FBXO10: variants seen among roughly 807,000 people sequenced by gnomAD.
FBXO10 encodes the protein F-box protein 10.
In FBXO10, 39 loss-of-function variants were observed where a neutral mutation model predicts 80.7. The observed-to-expected ratio is 0.48, with a 90% CI of 0.37 to 0.63. The LOEUF (loss-of-function observed/expected upper bound fraction) is 0.63. Ranked by LOEUF, FBXO10 falls within the 30% of genes least tolerant of loss-of-function variation. The pLI is 0.00. For missense variants in FBXO10, 1,025 were observed against 1,269.0 expected (o/e 0.81, Z 2.92); for synonymous variants, 449 against 489.6 (o/e 0.92, Z 1.09).
At chr9:37,521,504 A>C (rs1821343843) in intron 8 of FBXO10, 65 bp downstream of exon 8, 2 of 1,391,952 alleles carry the variant, frequency 1.4e-6, no homozygotes, top group South Asian at 3.7e-5. Context: ...TTTAAATTGG[A>C]GAAAAAAAAA....
At position 37,512,332 on chromosome 9, in the gene FBXO10, C is replaced by T. The variant is rs935184190; in HGVS notation, c.*215G>A. 4.3e-6 allele frequency: 2 copies of T among 464,696 alleles called. No homozygotes were observed. Among genetic ancestry groups the T allele is most frequent in the Non-Finnish European group, 7.5e-6 (2 of 265,060 alleles). 28.8% of individuals were successfully genotyped at this position (464,696 alleles called of 1,614,324 possible). ...TTATAGACTTCGAGTGACTGGAAACCCACCAGCTTCTATCCCTTCTCCCTG... is the reference window on the plus strand; with the variant it reads ...TTATAGACTTCGAGTGACTGGAAACTCACCAGCTTCTATCCCTTCTCCCTG... On this transcript the variant is annotated 3_prime_UTR_variant, in exon 11 of 11. Coordinates refer to ENST00000432825, the MANE Select transcript of FBXO10 (RefSeq NM_012166.3).
In FBXO10 at chr9:37,537,522, T is replaced by C. The variant is rs1044261452; in HGVS notation, c.1007A>G (p.Gln336Arg). The change falls in exon 3 of 11, where the codon CAG (glutamine) becomes CGG (arginine). Residue 336 changes from glutamine (Q) to arginine (R), a missense_variant. By Grantham distance (43) the Gln-to-Arg change is conservative. Around this residue, in one of 3 missense-constraint regions of FBXO10, gnomAD observed 450 missense variants for 499.4 expected, o/e 0.90. Coordinates refer to ENST00000432825, the MANE Select transcript of FBXO10 (RefSeq NM_012166.3). ...SPKPGSKAGS[Q>R]EAEVGSDGER... ...ACCATCACTACCCACCTCTGCCTCC[T>C]GTGAGCCAGCCTTGGAGCCTGGCTT... 6.2e-7 allele frequency: 1 copy of C among 1,612,740 alleles called. No individual in the cohort carries two copies. Among genetic ancestry groups the C allele is most frequent in the African/African-American group, 1.3e-5 (1 of 75,052 alleles).
intron 2 of FBXO10, among the ~76,000 whole-genome samples, chr9:37,539,358 C>T (rs1442968051): frequency 6.6e-6 from 1 of 152,214 alleles, no homozygotes; most frequent in Non-Finnish European, 1.5e-5. Context: ...TCGCCTTGGC[C>T]TTTGCATTTT....
In FBXO10 at chr9:37,553,890, C is replaced by T. The variant is rs147184346; in HGVS notation, c.-6-12116G>A. Among the ~76,000 whole-genome samples, 716 of 121,414 alleles carry T rather than the reference C, an allele frequency of 5.9e-3. 8 individuals carry two copies. Among genetic ancestry groups the T allele is most frequent in the African/African-American group, 0.023 (689 of 30,304 alleles). 79.7% of individuals were successfully genotyped at this position (121,414 alleles called of 152,430 possible). On this transcript the variant is annotated intron_variant, in intron 1 of 10. Transcript: ENST00000432825. ...GAGATCATGGCATTGCACTCCAGCC[C>T]GGGCAAAAAGAGCGAAAGTCTGCCT...
chr9:37,561,173 C>CTT (rs78284002), intron 1 of FBXO10, among the ~76,000 whole-genome samples: 2,526 of 129,768 alleles, frequency 0.019, 85 homozygotes, highest in African/African-American at 0.069. Context: ...ACAAAATCAA[C>CTT]TTTTTTTTTT....
chr9:37,513,928 T>C (rs1821122699), intron 10 of FBXO10, among the ~76,000 whole-genome samples: 1 of 152,126 alleles, frequency 6.6e-6, no homozygotes, highest in Admixed American at 6.6e-5. Context: ...AATGCAAATC[T>C]ATGGGGGATA....
intron 1 of FBXO10, among the ~76,000 whole-genome samples, chr9:37,564,595 T>C (rs1239886594): frequency 6.6e-6 from 1 of 152,260 alleles, no homozygotes; most frequent in Non-Finnish European, 1.5e-5. Flanking sequence ...CAGCATAACC[T>C]GGATATGAGA....
In FBXO10 at chr9:37,531,942, T is replaced by C. The variant is rs775342173; in HGVS notation, c.1536A>G (p.Val512=). 1.9e-6 allele frequency: 3 copies of C among 1,613,874 alleles called. No homozygotes were observed. The highest frequency in any genetic ancestry group is 2.5e-6 in the Non-Finnish European group (3 of 1,179,868). The part of the protein sequence containing the change: ...NNIYHNAEAG[V]DIRKKSNPLI... ...GTGGGTTGGACTTTTTCCGGATGTC[T>C]ACACCAGCCTCTGCATTGTGGTAAA... Residue 512 remains valine (V), a synonymous_variant, in exon 4 of 11, where the codon GTA becomes GTG. Coordinates refer to ENST00000432825, the MANE Select transcript of FBXO10 (RefSeq NM_012166.3).
At chr9:37,565,933 C>T (rs1176416378) in intron 1 of FBXO10, among the ~76,000 whole-genome samples, 1 of 152,156 alleles carries the variant, frequency 6.6e-6, no homozygotes, top group Non-Finnish European at 1.5e-5. Flanking sequence ...GGGCTTAGGA[C>T]ATGTTGGGAG....
rs187174883 is a variant in FBXO10 at position 37,552,842 on chromosome 9, G to C, written c.-6-11068C>G. On this transcript the variant is annotated intron_variant, in intron 1 of 10. Coordinates refer to ENST00000432825, the MANE Select transcript of FBXO10 (RefSeq NM_012166.3). ...AGAAAAGCAAGAGGGATGAAAATATGTGTCTGCACACTGCAGAAGGATGGC... is the reference window on the plus strand; with the variant it reads ...AGAAAAGCAAGAGGGATGAAAATATCTGTCTGCACACTGCAGAAGGATGGC... Among the ~76,000 whole-genome samples the C allele has an allele frequency of 4.6e-5, 7 of 152,252 alleles. No homozygotes were observed. The East Asian group carries it at 1.3e-3, about 29-fold the overall frequency.
intron 1 of FBXO10, among the ~76,000 whole-genome samples, chr9:37,549,432 C>T (rs1026402713): frequency 6.6e-6 from 1 of 152,136 alleles, no homozygotes; most frequent in South Asian, 2.1e-4. Flanking sequence ...CTTGCAAGCC[C>T]CCTAAAAGCC....
In FBXO10 at chr9:37,537,298, G is replaced by A; in HGVS notation, c.1231C>T (p.Gln411Ter). Residue 411 changes from glutamine (Q) to a stop codon, truncating the protein, a stop_gained, in exon 3 of 11, where the codon CAG becomes TAG. Transcript: ENST00000432825. LOFTEE classifies it high-confidence loss of function. ...TCCTTATCCTTCTGCAGCTCCTGCT[G>A]CAGTGAGTTCAGCACTAGGCAGCTG... ...LPSCLVLNSLQQELQKDKEAM... is the reference protein window; with the variant it reads ...LPSCLVLNSL 1.2e-6 allele frequency: 2 copies of A among 1,613,012 alleles called. No homozygotes were observed. The highest frequency in any genetic ancestry group is 1.7e-6 in the Non-Finnish European group (2 of 1,179,458).
At chr9:37,519,427 C>T (rs1018212906) in intron 8 of FBXO10, among the ~76,000 whole-genome samples, 4 of 151,018 alleles carry the variant, frequency 2.6e-5, no homozygotes, top group African/African-American at 9.8e-5. Context: ...CAGCCAGACC[C>T]GGGGGCGAGG....
intron 8 of FBXO10, 136 bp downstream of exon 8, chr9:37,521,433 C>A: frequency 8.8e-7 from 1 of 1,132,572 alleles, no homozygotes; most frequent in Non-Finnish European, 1.2e-6. Flanking sequence ...TTTTTCTGCC[C>A]TACCCAGGTT....
At chr9:37,546,118 C>A (rs551514347) in intron 1 of FBXO10, among the ~76,000 whole-genome samples, 1 of 151,244 alleles carries the variant, frequency 6.6e-6, no homozygotes, top group African/African-American at 2.4e-5. Context: ...TGCACTCCAG[C>A]CAGAACAAGA....
intron 6 of FBXO10, among the ~76,000 whole-genome samples, chr9:37,524,170 C>T (rs906348019): frequency 6.6e-6 from 1 of 152,172 alleles, no homozygotes; most frequent in African/African-American, 2.4e-5. Flanking sequence ...GGTTCTTTCC[C>T]AGCTCCTCCA....
intron 1 of FBXO10, among the ~76,000 whole-genome samples, chr9:37,565,592 TAAC>T (rs768569482): frequency 1.3e-5 from 2 of 152,228 alleles, no homozygotes; most frequent in Non-Finnish European, 2.9e-5. Flanking sequence ...TTTGGCATTT[TAAC>T]AACATCACCA....
chr9:37,529,191 T>C lies in FBXO10; in HGVS notation c.1639A>G (p.Asn547Asp). 6.2e-7 allele frequency: 1 copy of C among 1,613,806 alleles called. No homozygotes were observed. The highest frequency in any genetic ancestry group is 8.5e-7 in the Non-Finnish European group (1 of 1,179,850). Residue 547 changes from asparagine (N) to aspartate (D), a missense_variant, in exon 5 of 11, where the codon AAC becomes GAC. By Grantham distance (23) the Asn-to-Asp change is conservative. This residue lies in a region of FBXO10 where 478 missense variants were observed against 667.8 expected (regional missense o/e 0.72). Transcript: ENST00000432825. ...TCCTTATTGGAAAAGATTTGATTGT[T>C]CCGGATGATGCCTTTCCCATTGCCA... is the stretch of plus-strand genomic sequence containing the variant. ...VLGNGKGIIR[N>D]NQIFSNKEAG...
chr9:37,521,733 T>G lies in FBXO10; in HGVS notation c.2036A>C (p.Lys679Thr), dbSNP rs1821351401. The G allele has an allele frequency of 6.2e-7, 1 of 1,613,764 alleles. No individual in the cohort carries two copies. Among genetic ancestry groups the G allele is most frequent in the Admixed American group, 1.7e-5 (1 of 60,008 alleles). ...GLYGVAVFSQ[K>T]DGSSELPRGH... ...TCGAGGTAACTCGCTGGAGCCATCC[T>G]TCTGGCTAAATACTGCCACTCCATA... The change falls in exon 8 of 11, where the codon AAG becomes ACG. Residue 679 changes from lysine to threonine, a missense_variant. Physicochemically the swap from Lys to Thr is moderately conservative, Grantham distance 78. Around this residue, in one of 3 missense-constraint regions of FBXO10, gnomAD observed 478 missense variants for 667.8 expected, o/e 0.72. Transcript: ENST00000432825.
Sources: allele counts gnomAD v4.1 joint callset (sites outside exome capture counted in the v4.1 genomes callset), GRCh38; gene constraint gnomAD v4.1.1; regional missense constraint gnomAD v4.1.1; transcripts MANE v1.5; gene names NCBI Gene and HGNC (gene_info 2026-07-23, HGNC 2026-07-21).